The following VAV3 variants were observed in gnomAD, a reference collection of about 807,000 sequenced individuals.
The protein encoded by VAV3 is guanine nucleotide exchange factor VAV3.
In VAV3, 94 loss-of-function variants were observed where a neutral mutation model predicts 131.2. That is an observed-to-expected ratio of 0.72 (90% confidence interval 0.61 to 0.85). The LOEUF (loss-of-function observed/expected upper bound fraction) is 0.85. Ranked by LOEUF, VAV3 falls within the 40% of genes least tolerant of loss-of-function variation. The pLI is 0.00. For synonymous variants in VAV3, 349 were observed against 342.0 expected, an observed-to-expected ratio of 1.02 and a Z score of -0.22; for missense variants, 939 against 1,002.7, an observed-to-expected ratio of 0.94 and a Z score of 0.86.
At chr1:107,791,317 T>G (rs1415614434) in intron 2 of VAV3, among the ~76,000 whole-genome samples, 1 of 152,072 alleles carries the variant, frequency 6.6e-6, no homozygotes, top group Non-Finnish European at 1.5e-5. Context: ...CATTCTAATT[T>G]GTTTTCTAGG....
At chr1:107,819,453 G>C (rs1361511711) in intron 2 of VAV3, among the ~76,000 whole-genome samples, 1 of 151,400 alleles carries the variant, frequency 6.6e-6, no homozygotes, top group East Asian at 1.9e-4. Flanking sequence ...TGGGAGAATT[G>C]CCTTGGGCCA....
Position 107,874,915 on chromosome 1 carries a change from G to C in VAV3, c.307C>G (p.Arg103Gly), listed in dbSNP as rs61761613. The part of the protein sequence containing the change: ...LFEAFDLFDV[R>G]DFGKVIETLS... ...AGTATAATTACCTTTCCAAAGTCACGAACATCAAACAAGTCAAATGCCTCG... is the reference window on the plus strand; with the variant it reads ...AGTATAATTACCTTTCCAAAGTCACCAACATCAAACAAGTCAAATGCCTCG... The change falls in exon 2 of 27, where the codon CGT (arginine) becomes GGT (glycine). Residue 103 changes from arginine to glycine, a missense_variant. Transcript: ENST00000370056. 2.9e-4 allele frequency: 471 copies of C among 1,612,844 alleles called. No homozygotes were observed. Among genetic ancestry groups the C allele is most frequent in the Non-Finnish European group, 3.9e-4 (456 of 1,179,348 alleles).
At chr1:107,848,875 G>A (rs992919397) in intron 2 of VAV3, among the ~76,000 whole-genome samples, 27 of 152,112 alleles carry the variant, frequency 1.8e-4, no homozygotes, top group African/African-American at 6.5e-4. Context: ...CTTTAACAAA[G>A]TCTCAGGATA....
rs561238070 is a variant in VAV3 at position 107,957,789 on chromosome 1, A to T, written c.204+6877T>A. On this transcript the variant is annotated intron_variant, in intron 1 of 26. Coordinates refer to ENST00000370056, the MANE Select transcript of VAV3 (RefSeq NM_006113.5). Reference sequence around the variant, plus strand: ...GGGATTCGAGAAAAATAATAAAAACAATCCACTGTATTTGAAAATTAGAAA... The same window carrying T: ...GGGATTCGAGAAAAATAATAAAAACTATCCACTGTATTTGAAAATTAGAAA... 2.6e-5 allele frequency among the ~76,000 whole-genome samples: 4 copies of T among 152,154 alleles called. No individual in the cohort carries two copies. The South Asian group carries it at 6.2e-4, about 24-fold the overall frequency.
intron 6 of VAV3, 40 bp downstream of exon 6, chr1:107,770,596 G>A (rs748479893): frequency 8.2e-7 from 1 of 1,223,390 alleles, no homozygotes; most frequent in Non-Finnish European, 1.2e-6. Flanking sequence ...AACTATATTA[G>A]GCAGTATTTG....
chr1:107,596,695 A>C (rs1651420811), intron 24 of VAV3, among the ~76,000 whole-genome samples: 1 of 152,224 alleles, frequency 6.6e-6, no homozygotes, highest in Admixed American at 6.5e-5. Context: ...TTGCCTTTCT[A>C]AACCAAAATA....
At chr1:107,629,153 C>T (rs1196580441) in intron 20 of VAV3, among the ~76,000 whole-genome samples, 1 of 152,120 alleles carries the variant, frequency 6.6e-6, no homozygotes, top group African/African-American at 2.4e-5. Flanking sequence ...AATAAAACCC[C>T]ATGATATAAG....
chr1:107,865,518 T>A (rs1669943807), intron 2 of VAV3, among the ~76,000 whole-genome samples: 1 of 151,908 alleles, frequency 6.6e-6, no homozygotes, highest in Non-Finnish European at 1.5e-5. Flanking sequence ...ATCTGGTGAG[T>A]CATGATGATT....
At chr1:107,929,791 C>T (rs1283222866) in intron 1 of VAV3, among the ~76,000 whole-genome samples, 3 of 152,090 alleles carry the variant, frequency 2.0e-5, no homozygotes, top group Non-Finnish European at 4.4e-5. Context: ...AACCTACGTG[C>T]CCATCAATAG....
intron 19 of VAV3, among the ~76,000 whole-genome samples, chr1:107,673,026 C>A (rs1187315642): frequency 6.6e-6 from 1 of 152,060 alleles, no homozygotes; most frequent in Non-Finnish European, 1.5e-5. Context: ...AGATATTGTA[C>A]CTCTATGACG....
chr1:107,849,931 T>C (rs542823814), intron 2 of VAV3, among the ~76,000 whole-genome samples: 3 of 152,276 alleles, frequency 2.0e-5, no homozygotes, highest in Admixed American at 1.3e-4. Flanking sequence ...CAGACACTTC[T>C]CAAAAGAAGA....
chr1:107,920,719 TCTC>T (rs1366756656), intron 1 of VAV3, among the ~76,000 whole-genome samples: 1 of 152,178 alleles, frequency 6.6e-6, no homozygotes, highest in Non-Finnish European at 1.5e-5. Flanking sequence ...AACATTTCCT[TCTC>T]CTCCAGTGAC....
chr1:107,818,241 C>T (rs1157425842), intron 2 of VAV3, among the ~76,000 whole-genome samples: 1 of 152,224 alleles, frequency 6.6e-6, no homozygotes, highest in Non-Finnish European at 1.5e-5. Context: ...GAAAGACTAT[C>T]TGCCTCCTGT....
At chr1:107,882,048 TA>T (rs926559663) in intron 1 of VAV3, among the ~76,000 whole-genome samples, 10 of 152,178 alleles carry the variant, frequency 6.6e-5, no homozygotes, top group African/African-American at 2.4e-4. Flanking sequence ...TTTGAAAAAA[TA>T]AACACCGACT....
intron 20 of VAV3, among the ~76,000 whole-genome samples, chr1:107,625,034 G>A (rs998770872): frequency 6.6e-6 from 1 of 152,066 alleles, no homozygotes; most frequent in Non-Finnish European, 1.5e-5. Flanking sequence ...TTCTGATCTT[G>A]AATAGGTCAT....
At chr1:107,648,128 T>C (rs1655875812) in intron 19 of VAV3, among the ~76,000 whole-genome samples, 2 of 152,000 alleles carry the variant, frequency 1.3e-5, no homozygotes, top group Admixed American at 1.3e-4. Flanking sequence ...CCATCAATAA[T>C]TTTTAAAATT....
intron 17 of VAV3, among the ~76,000 whole-genome samples, chr1:107,697,597 A>T (rs1659826479): frequency 6.6e-6 from 1 of 152,224 alleles, no homozygotes; most frequent in Admixed American, 6.5e-5. Flanking sequence ...AGGATATCTT[A>T]GTAAGCATTA....
intron 1 of VAV3, among the ~76,000 whole-genome samples, chr1:107,925,371 G>C (rs1673099164): frequency 6.6e-6 from 1 of 152,148 alleles, no homozygotes; most frequent in South Asian, 2.1e-4. Context: ...AGTTGAATTT[G>C]TATACCCGTA....
At chr1:107,669,188 T>G (rs1657609040) in intron 19 of VAV3, 2 of 1,128,352 alleles carry the variant, frequency 1.8e-6, no homozygotes, top group Non-Finnish European at 2.2e-6. Context: ...TATTCCACTC[T>G]GCTCAAAGTC....
Sources: gnomAD v4.1 joint callset for allele counts (sites outside exome capture counted in the v4.1 genomes callset) on GRCh38, gnomAD v4.1.1 for gene constraint, MANE v1.5 for transcripts, NCBI Gene and HGNC (gene_info 2026-07-23, HGNC 2026-07-21) for gene names.